SCN11A: variants seen among roughly 807,000 people sequenced by gnomAD.
SCN11A encodes the protein sodium voltage-gated channel alpha subunit 11.
A neutral mutation model predicts 162.2 loss-of-function variants in SCN11A; 122 were observed. The ratio of observed to expected loss-of-function variants is 0.75; its 90% CI spans 0.65 to 0.87. The LOEUF (loss-of-function observed/expected upper bound fraction) is 0.87. SCN11A is among the 40% of genes least tolerant of loss of function. The probability of loss-of-function intolerance (pLI) is 0.00; values close to 1 mark genes in which losing one functional copy is unlikely to be tolerated. For synonymous variants in SCN11A, 758 were observed against 751.5 expected (o/e 1.01, Z -0.14); for missense variants, 2,015 against 2,181.6 (o/e 0.92, Z 1.52).
chr3:38,960,690 G>A (rs994418400), intron 2 of SCN11A, among the ~76,000 whole-genome samples: 1 of 152,090 alleles, frequency 6.6e-6, no homozygotes, highest in African/African-American at 2.4e-5. Context: ...TTGTGCTTCC[G>A]CATTAAGCTT....
chr3:39,023,746 G>A (rs1298168679), intron 2 of SCN11A, among the ~76,000 whole-genome samples: 1 of 151,678 alleles, frequency 6.6e-6, no homozygotes, highest in Non-Finnish European at 1.5e-5. Flanking sequence ...GGGTTCAAGC[G>A]ATTCTCCTGC....
At chr3:38,867,618 A>C (rs2065062926) in intron 26 of SCN11A, among the ~76,000 whole-genome samples, 160 bp from the exon 27 acceptor site, 1 of 152,148 alleles carries the variant, frequency 6.6e-6, no homozygotes, top group Non-Finnish European at 1.5e-5. Flanking sequence ...CCTGTCTTTC[A>C]GTTTTTGCAG....
intron 2 of SCN11A, among the ~76,000 whole-genome samples, chr3:39,028,073 C>G (rs1212026788): frequency 6.6e-6 from 1 of 152,208 alleles, no homozygotes; most frequent in Non-Finnish European, 1.5e-5. Flanking sequence ...CAAACCCCTA[C>G]CCCCTCCCAA....
intron 19 of SCN11A, among the ~76,000 whole-genome samples, chr3:38,892,704 A>T (rs1442440536): frequency 4.6e-5 from 7 of 152,130 alleles, no homozygotes; most frequent in African/African-American, 1.7e-4. Flanking sequence ...TGAATATAAT[A>T]TGTAGAATTT....
chr3:39,037,525 T>C (rs893171846), intron 1 of SCN11A, among the ~76,000 whole-genome samples: 5 of 152,202 alleles, frequency 3.3e-5, no homozygotes, highest in African/African-American at 4.8e-5. Context: ...TTTCAGGTAA[T>C]AGATACGCCA....
chr3:38,861,310 A>G (rs891135397), intron 28 of SCN11A, among the ~76,000 whole-genome samples: 1 of 152,172 alleles, frequency 6.6e-6, no homozygotes, highest in Admixed American at 6.5e-5. Flanking sequence ...GAAAATGACC[A>G]TACTGTCAAA....
At chr3:38,962,976 A>G (rs1347465892) in intron 2 of SCN11A, among the ~76,000 whole-genome samples, 1 of 152,066 alleles carries the variant, frequency 6.6e-6, no homozygotes, top group Non-Finnish European at 1.5e-5. Flanking sequence ...GATCAGAAAA[A>G]AGCAAATCAA....
At chr3:38,949,962 A>T (rs2066576838) in intron 5 of SCN11A, 134 bp downstream of exon 5, 1 of 628,720 alleles carries the variant, frequency 1.6e-6, no homozygotes, top group Non-Finnish European at 2.7e-6. Context: ...ATGCCAGGGG[A>T]TGACAGCAAA....
rs745945178 is a variant in SCN11A, at chr3:38,847,423, T to C, written c.4647A>G (p.Thr1549=). Reference sequence around the variant, plus strand: ...TGAGCAGGGAATCCCAACCTGCTGATGTGCTTATCTGGAAGAGACAGAGCA... The same window carrying C: ...TGAGCAGGGAATCCCAACCTGCTGACGTGCTTATCTGGAAGAGACAGAGCA... The part of the protein sequence containing the change: ...SSMLCLFQIS[T]SAGWDSLLSP... Residue 1549 remains threonine, a synonymous_variant, in exon 30 of 30, where the codon ACA becomes ACG. Coordinates refer to ENST00000302328, the MANE Select transcript of SCN11A (RefSeq NM_001349253.2). The C allele has an allele frequency of 1.2e-6, 2 of 1,614,206 alleles. No homozygotes were observed. The highest frequency in any genetic ancestry group is 2.2e-5 in the East Asian group (1 of 44,874).
intron 1 of SCN11A, among the ~76,000 whole-genome samples, chr3:39,038,373 C>T (rs1447490930): frequency 6.6e-6 from 1 of 152,094 alleles, no homozygotes; most frequent in African/African-American, 2.4e-5. Flanking sequence ...GTATTGCTCA[C>T]CACAACCAAG....
At chr3:38,856,675 C>T (rs897670555) in intron 28 of SCN11A, among the ~76,000 whole-genome samples, 1 of 152,048 alleles carries the variant, frequency 6.6e-6, no homozygotes, top group Non-Finnish European at 1.5e-5. Flanking sequence ...CTCTATTGGC[C>T]TGAAGCCTGA....
intron 28 of SCN11A, among the ~76,000 whole-genome samples, chr3:38,859,146 C>G (rs2064921687): frequency 6.6e-6 from 1 of 152,002 alleles, no homozygotes; most frequent in South Asian, 2.1e-4. Flanking sequence ...AAGGCAAATC[C>G]AAACCCAGCA....
intron 12 of SCN11A, 144 bp downstream of exon 12, chr3:38,909,922 A>T: frequency 1.1e-6 from 1 of 881,976 alleles, no homozygotes; most frequent in Non-Finnish European, 1.7e-6. Context: ...TTAACAGTAC[A>T]ACTGTTAAAG....
At chr3:38,870,440 T>C (rs1225137278) in intron 26 of SCN11A, among the ~76,000 whole-genome samples, 1 of 152,190 alleles carries the variant, frequency 6.6e-6, no homozygotes, top group Non-Finnish European at 1.5e-5. Flanking sequence ...CCTGTATGAG[T>C]GGTTTTTCCT....
In SCN11A at chr3:38,909,097, G is replaced by A. The variant is rs2065847882; in HGVS notation, c.1199C>T (p.Thr400Ile). 3 of 1,614,048 alleles carry A rather than the reference G, an allele frequency of 1.9e-6. No individual in the cohort carries two copies. In the South Asian group the frequency reaches 3.3e-5, roughly 18 times the overall value. ...YLINLTLAVV[T>I]MAYEEQNKNV... is the part of the protein sequence containing the mutation. The stretch of plus-strand genomic sequence containing the variant: ...CTTGTTCTGCTCCTCATATGCCATG[G>A]TAACAACAGCCAGGGTTAAGTTAAT... The change falls in exon 13 of 30, where the codon ACC (threonine) becomes ATC (isoleucine). Residue 400 changes from threonine to isoleucine, a missense_variant. By Grantham distance (89) the Thr-to-Ile change is moderately conservative. Coordinates refer to ENST00000302328, the MANE Select transcript of SCN11A (RefSeq NM_001349253.2).
chr3:39,032,597 G>A (rs2031788831), intron 1 of SCN11A, among the ~76,000 whole-genome samples, 94 bp from the exon 2 acceptor site: 1 of 152,124 alleles, frequency 6.6e-6, no homozygotes, highest in Non-Finnish European at 1.5e-5. Flanking sequence ...AAGAAAAACA[G>A]AAAATTTCAA....
intron 13 of SCN11A, among the ~76,000 whole-genome samples, chr3:38,908,697 T>C (rs1427954718): frequency 2.0e-5 from 3 of 152,168 alleles, no homozygotes; most frequent in Non-Finnish European, 4.4e-5. Context: ...GATTTACATA[T>C]ACTTATGTTG....
At chr3:38,950,710 GGCTGAACT>G (rs1374213340) in intron 4 of SCN11A, 8 of 277,936 alleles carry the variant, frequency 2.9e-5, no homozygotes, top group Non-Finnish European at 4.8e-5. Context: ...AGGCTGAGCC[GGCTGAACT>G]GCTGAAGTGG....
In SCN11A at chr3:38,998,810, A is replaced by G. The variant is rs2030721601; in HGVS notation, c.-280+33570T>C. 3.3e-5 allele frequency among the ~76,000 whole-genome samples: 5 copies of G among 151,454 alleles called. No individual in the cohort carries two copies. In the South Asian group the frequency reaches 1.0e-3, roughly 32 times the overall value. On this transcript the variant is annotated intron_variant, in intron 2 of 29. Transcript: ENST00000302328. ...TTCTCAGCAAACTATCACAAGGACA[A>G]AAAACCAAACACCACATGTTCTCAC...
Sources: gnomAD v4.1 joint callset for allele counts (sites outside exome capture counted in the v4.1 genomes callset) on GRCh38, gnomAD v4.1.1 for gene constraint, MANE v1.5 for transcripts, NCBI Gene and HGNC (gene_info 2026-07-23, HGNC 2026-07-21) for gene names.